The following FOXP1 variants were observed in gnomAD, a reference collection of about 807,000 sequenced individuals.
FOXP1 encodes forkhead box P1, also known as forkhead box protein P1.
In FOXP1, 15 loss-of-function variants were observed where a neutral mutation model predicts 98.2. The observed-to-expected ratio is 0.15, with a 90% CI of 0.10 to 0.24. The LOEUF (loss-of-function observed/expected upper bound fraction) is 0.24, where lower values mean the gene tolerates loss of function less well. Ranked by LOEUF, FOXP1 falls within the 10% of genes least tolerant of loss-of-function variation. FOXP1 has a pLI of 1.00. For missense variants in FOXP1, 633 were observed against 848.5 expected, an observed-to-expected ratio of 0.75 and a Z score of 3.15; for synonymous variants, 371 against 314.5, an observed-to-expected ratio of 1.18 and a Z score of -1.90.
intron 14 of FOXP1, among the ~76,000 whole-genome samples, chr3:70,981,191 CAAAAAAAAAAAAAA>C (rs71104406): frequency 5.0e-5 from 3 of 59,954 alleles, no homozygotes; most frequent in Non-Finnish European, 1.1e-4. Context: ...CTCTTTCTAC[CAAAAAAAAAAAAAA>C]AAAAAAAAAA....
intron 14 of FOXP1, among the ~76,000 whole-genome samples, chr3:70,986,920 G>A (rs1362394992): frequency 6.6e-6 from 1 of 152,116 alleles, no homozygotes; most frequent in African/African-American, 2.4e-5. Flanking sequence ...GTCTGACTCC[G>A]TTTTATTTCT....
intron 5 of FOXP1, among the ~76,000 whole-genome samples, chr3:71,218,190 C>T (rs545943148): frequency 9.9e-5 from 15 of 152,266 alleles, no homozygotes; most frequent in East Asian, 1.9e-4. Flanking sequence ...CCTCATTTCC[C>T]GTGAACTCAC....
At chr3:71,482,450 C>A (rs1457503076) in intron 3 of FOXP1, among the ~76,000 whole-genome samples, 1 of 147,020 alleles carries the variant, frequency 6.8e-6, no homozygotes, top group East Asian at 2.2e-4. Flanking sequence ...CTCACTGCAA[C>A]CTCGGCCTCC....
At chr3:71,377,270 T>C (rs2108023122) in intron 3 of FOXP1, among the ~76,000 whole-genome samples, 1 of 152,366 alleles carries the variant, frequency 6.6e-6, no homozygotes, top group South Asian at 2.1e-4. Context: ...TTTAAAGCGC[T>C]GTTTACTCCC....
At chr3:71,032,291 G>A (rs919906854) in intron 11 of FOXP1, among the ~76,000 whole-genome samples, 1 of 152,222 alleles carries the variant, frequency 6.6e-6, no homozygotes, top group African/African-American at 2.4e-5. Context: ...TCTGTGCAGT[G>A]GCACTGAGGA....
At chr3:71,414,047 T>G (rs1349661933) in intron 3 of FOXP1, among the ~76,000 whole-genome samples, 1 of 151,950 alleles carries the variant, frequency 6.6e-6, no homozygotes, top group Non-Finnish European at 1.5e-5. Context: ...CGGAGGCTCA[T>G]GCTAAAGCCA....
At chr3:71,430,288 T>C (rs1365180986) in intron 3 of FOXP1, among the ~76,000 whole-genome samples, 3 of 152,204 alleles carry the variant, frequency 2.0e-5, no homozygotes, top group Non-Finnish European at 4.4e-5. Flanking sequence ...ACCACAGCCA[T>C]GCACACACAG....
chr3:71,497,767 C>T (rs908264736), intron 2 of FOXP1, among the ~76,000 whole-genome samples: 2 of 152,190 alleles, frequency 1.3e-5, no homozygotes, highest in Admixed American at 1.3e-4. Context: ...GCTGAGAACA[C>T]TATCAAACCT....
chr3:70,968,214 CT>C (rs919577727), intron 19 of FOXP1, among the ~76,000 whole-genome samples: 10 of 145,594 alleles, frequency 6.9e-5, no homozygotes, highest in Admixed American at 6.7e-4. Flanking sequence ...AGCCTTGTCC[CT>C]TGAAAAAATG....
In FOXP1 at chr3:71,373,690, CAGGAGA is replaced by C. The variant is rs1348929569; in HGVS notation, c.-167-14452_-167-14447del. Among the ~76,000 whole-genome samples, 134 of 152,302 alleles carry C rather than the reference CAGGAGA, an allele frequency of 8.8e-4. 1 individual carries two copies. The highest frequency in any genetic ancestry group is 2.9e-3 in the African/African-American group (122 of 41,544). Reference sequence around the variant, plus strand: ...ATGCACCCTCTCTGAAACACATTATCAGGAGAAGGTTTAATGAACTCGATCATCTCA... The same window carrying C: ...ATGCACCCTCTCTGAAACACATTATCAGGTTTAATGAACTCGATCATCTCA... On this transcript the variant is annotated intron_variant, in intron 3 of 20. Coordinates refer to ENST00000649528, the MANE Select transcript of FOXP1 (RefSeq NM_001349338.3).
chr3:71,291,529 G>A (rs1012886045), intron 5 of FOXP1, among the ~76,000 whole-genome samples: 1 of 152,066 alleles, frequency 6.6e-6, no homozygotes, highest in East Asian at 1.9e-4. Flanking sequence ...CATACAGCAG[G>A]CATTTAATAA....
intron 2 of FOXP1, among the ~76,000 whole-genome samples, chr3:71,563,571 G>T (rs1578194174): frequency 6.6e-6 from 1 of 152,122 alleles, no homozygotes; most frequent in South Asian, 2.1e-4. Flanking sequence ...TAAACATTTG[G>T]AAAACTTTGT....
intron 4 of FOXP1, among the ~76,000 whole-genome samples, chr3:71,350,367 TCTC>T (rs1465164832): frequency 1.3e-5 from 2 of 152,088 alleles, no homozygotes; most frequent in Non-Finnish European, 2.9e-5. Flanking sequence ...CAATCTCCCT[TCTC>T]CAATCCCCTC....
chr3:71,475,417 G>T (rs75812589), intron 3 of FOXP1, among the ~76,000 whole-genome samples: 2 of 152,092 alleles, frequency 1.3e-5, no homozygotes, highest in African/African-American at 4.8e-5. Context: ...AAAGGGAGAG[G>T]GTGGTAAATG....
rs1049828334 is a variant in FOXP1 at position 71,138,444 on chromosome 3, A to T, written c.181-25807T>A. The stretch of plus-strand genomic sequence containing the variant: ...ATGATACATGAATTAGTTTTTAAAA[A>T]TACATTAAAAAAAATAAAAGGCCCT... On this transcript the variant is annotated intron_variant, in intron 6 of 20. Transcript: ENST00000649528. Among the ~76,000 whole-genome samples, 5 of 152,208 alleles carry T rather than the reference A, an allele frequency of 3.3e-5. 1 individual carries two copies. The highest frequency in any genetic ancestry group is 3.3e-4 in the Admixed American group (5 of 15,278).
chr3:71,165,787 C>G (rs779958212), intron 6 of FOXP1, among the ~76,000 whole-genome samples: 1 of 152,050 alleles, frequency 6.6e-6, no homozygotes, highest in Admixed American at 6.6e-5. Context: ...TGGCATGCCA[C>G]GAACCACTTG....
intron 7 of FOXP1, chr3:71,064,864 C>T: frequency 2.0e-6 from 2 of 976,872 alleles, no homozygotes; most frequent in East Asian, 1.2e-4. Context: ...CGGAGCCGGG[C>T]TCGGGGCGCC....
At chr3:71,523,388 G>A (rs1361554408) in intron 2 of FOXP1, among the ~76,000 whole-genome samples, 1 of 152,240 alleles carries the variant, frequency 6.6e-6, no homozygotes, top group East Asian at 1.9e-4. Context: ...AGTGGGGATG[G>A]GCCCCACTGC....
At chr3:71,495,790 T>C (rs1349138492) in intron 2 of FOXP1, among the ~76,000 whole-genome samples, 3 of 152,208 alleles carry the variant, frequency 2.0e-5, no homozygotes, top group African/African-American at 7.2e-5. Flanking sequence ...TTTTGTGATA[T>C]ACCCTTCTGA....
Sources: gnomAD v4.1 joint callset for allele counts (sites outside exome capture counted in the v4.1 genomes callset) on GRCh38, gnomAD v4.1.1 for gene constraint, MANE v1.5 for transcripts, NCBI Gene and HGNC (gene_info 2026-07-23, HGNC 2026-07-21) for gene names.